Variants in TENM1 observed in about 807,000 individuals in gnomAD.
TENM1 encodes the protein teneurin-1.
In TENM1, 35 loss-of-function variants were observed where a neutral mutation model predicts 174.8. The observed-to-expected ratio is 0.20, with a 90% CI of 0.15 to 0.27. TENM1 has a LOEUF of 0.27. Among genes scored for constraint, TENM1 ranks in the 10% least tolerant of loss-of-function variants. The pLI, the probability that TENM1 is intolerant of heterozygous loss-of-function variation, is 1.00. For missense variants in TENM1, 1,633 were observed against 2,130.1 expected, an observed-to-expected ratio of 0.77 and a Z score of 4.59; for synonymous variants, 781 against 798.7, an observed-to-expected ratio of 0.98 and a Z score of 0.37.
intron 11 of TENM1, among the ~76,000 whole-genome samples, chrX:124,582,773 T>C (rs1460191425): frequency 8.9e-6 from 1 of 112,098 alleles, no homozygotes; most frequent in African/African-American, 3.2e-5. Flanking sequence ...GGGAGTTCCC[T>C]TTCCTAGTCA....
chrX:125,137,768 C>T, the TENM1 span, among the ~76,000 whole-genome samples: 7 of 110,908 alleles, frequency 6.3e-5, no homozygotes, highest in Non-Finnish European at 7.6e-5. Flanking sequence ...TGCTTGGCAA[C>T]CTTCTTTGTC....
chrX:124,426,945 C>T (rs923533187), intron 23 of TENM1, among the ~76,000 whole-genome samples: 3 of 111,431 alleles, frequency 2.7e-5, no homozygotes, highest in Non-Finnish European at 5.7e-5. Flanking sequence ...CTTTGGAGGG[C>T]GCTGACTCCT....
chrX:125,147,050 G>A, the TENM1 span, among the ~76,000 whole-genome samples: 4 of 107,440 alleles, frequency 3.7e-5, no homozygotes, highest in African/African-American at 1.1e-4. Context: ...ATGTGTCTGT[G>A]TGTGTATATA....
intron 19 of TENM1, among the ~76,000 whole-genome samples, chrX:124,500,709 A>G (rs950022867): frequency 1.8e-5 from 2 of 112,252 alleles, no homozygotes; most frequent in Non-Finnish European, 3.8e-5. Context: ...ACTTTTAAAC[A>G]TACCAGTCAT....
At chrX:124,789,753 C>G (rs1434834188) in intron 3 of TENM1, among the ~76,000 whole-genome samples, 1 of 111,862 alleles carries the variant, frequency 8.9e-6, no homozygotes, top group Admixed American at 9.5e-5. Context: ...GAAAGCCAGT[C>G]AACAAGTCTC....
At chrX:124,891,818 G>C (rs1421825144) in intron 3 of TENM1, among the ~76,000 whole-genome samples, 1 of 111,473 alleles carries the variant, frequency 9.0e-6, no homozygotes. Context: ...ATCCTTATGA[G>C]AGTCACACAA....
At chrX:124,615,945 C>G (rs1326081274) in intron 11 of TENM1, among the ~76,000 whole-genome samples, 4 of 112,138 alleles carry the variant, frequency 3.6e-5, no homozygotes, top group Non-Finnish European at 7.5e-5. Flanking sequence ...CAGATCTGAA[C>G]CAGCCACTGG....
chrX:124,560,191 T>TTG (rs375476919), intron 14 of TENM1, among the ~76,000 whole-genome samples: 8,397 of 88,016 alleles, frequency 0.095, 434 homozygotes, highest in Admixed American at 0.2. Flanking sequence ...TCTCTTCTAT[T>TTG]TGTGTGTGTG....
intron 22 of TENM1, among the ~76,000 whole-genome samples, chrX:124,465,288 G>A (rs898176379): frequency 1.8e-5 from 2 of 111,479 alleles, no homozygotes; most frequent in Non-Finnish European, 3.8e-5. Context: ...TTGCTCTGTC[G>A]CCCAGGCTGG....
At chrX:124,708,450 T>C (rs1376028783) in intron 4 of TENM1, among the ~76,000 whole-genome samples, 1 of 111,643 alleles carries the variant, frequency 9.0e-6, no homozygotes, top group Non-Finnish European at 1.9e-5. Flanking sequence ...ATTATGGCTA[T>C]AGGAATTTTT....
At chrX:125,194,972 A>C in the TENM1 span, among the ~76,000 whole-genome samples, 2 of 112,365 alleles carry the variant, frequency 1.8e-5, no homozygotes, top group Non-Finnish European at 3.8e-5. Flanking sequence ...CATTTGTTAT[A>C]TGACCGGAGT....
chrX:124,894,301 G>A, exon 3 of TENM1: 1 of 1,200,949 alleles, frequency 8.3e-7, no homozygotes, highest in Non-Finnish European at 1.1e-6. Context: ...CTTGCCTTGA[G>A]TAGACCCAGC....
the TENM1 span, among the ~76,000 whole-genome samples, chrX:125,005,290 T>C: frequency 9.2e-6 from 1 of 108,649 alleles, no homozygotes; most frequent in Non-Finnish European, 1.9e-5. Context: ...GCTTTCTTTA[T>C]TGAAGAGCTT....
chrX:124,422,330 G>T, exon 24 of TENM1: 1 of 1,211,202 alleles, frequency 8.3e-7, no homozygotes, highest in Non-Finnish European at 1.1e-6. Context: ...GGGCACCAGC[G>T]ATGATGTAGA....
At chrX:124,492,512 A>T (rs763359443) in intron 20 of TENM1, among the ~76,000 whole-genome samples, 22 of 109,186 alleles carry the variant, frequency 2.0e-4, no homozygotes, top group Admixed American at 2.9e-4. Flanking sequence ...TTTTTTTTTT[A>T]AAAGTGAATC....
At chrX:124,655,996 CA>C (rs1470014935) in intron 6 of TENM1, among the ~76,000 whole-genome samples, 1 of 112,058 alleles carries the variant, frequency 8.9e-6, no homozygotes, top group Non-Finnish European at 1.9e-5. Context: ...CTTCTGTTCG[CA>C]AGTTAATGTT....
chrX:124,952,353 T>C (rs1321045113), intron 1 of TENM1, among the ~76,000 whole-genome samples: 1 of 110,017 alleles, frequency 9.1e-6, no homozygotes, highest in African/African-American at 3.3e-5. Flanking sequence ...TGTGTGTGTG[T>C]GTGTGTGTGT....
chrX:124,488,045 A>T (rs891846277), intron 20 of TENM1, among the ~76,000 whole-genome samples: 7 of 111,937 alleles, frequency 6.3e-5, no homozygotes, highest in African/African-American at 2.3e-4. Context: ...CAACTGGGGT[A>T]GGCACTAGAG....
intron 5 of TENM1, among the ~76,000 whole-genome samples, chrX:124,690,461 G>T (rs2052488262): frequency 9.4e-6 from 1 of 105,986 alleles, no homozygotes; most frequent in South Asian, 4.3e-4. Context: ...AAAATTTTTA[G>T]ATTTTATAAC....
Sources: allele counts gnomAD v4.1 joint callset (sites outside exome capture counted in the v4.1 genomes callset), GRCh38; gene constraint gnomAD v4.1.1; transcripts MANE v1.5; gene names NCBI Gene and HGNC (gene_info 2026-07-23, HGNC 2026-07-21).